Variants in ANKRD24 observed in about 807,000 individuals in gnomAD.
ANKRD24 encodes the protein ankyrin repeat domain-containing protein 24.
A neutral mutation model predicts 127.8 loss-of-function variants in ANKRD24; 109 were observed. That is an observed-to-expected ratio of 0.85 (90% CI 0.73 to 1.00). ANKRD24 has a LOEUF of 1.00. ANKRD24 is among the 50% of genes least tolerant of loss of function. The probability of loss-of-function intolerance (pLI) is 0.00; values close to 1 mark genes in which losing one functional copy is unlikely to be tolerated. For synonymous variants in ANKRD24, 743 were observed against 671.1 expected, an observed-to-expected ratio of 1.11 and a Z score of -1.66; for missense variants, 1,648 against 1,570.2, an observed-to-expected ratio of 1.05 and a Z score of -0.84.
At position 4,217,135 on chromosome 19, in the gene ANKRD24, G is replaced by T. The variant is rs921681978; in HGVS notation, c.1975G>T (p.Ala659Ser). ...AGAAATGCAGGCCTACGGAGTGGGT[G>T]CTGGGCAAGCAGAGCCCCCAGTCAC... is the stretch of plus-strand genomic sequence containing the variant. ...EAEMQAYGVG[A>S]GQAEPPVTGT... Residue 659 changes from alanine to serine, a missense_variant, in exon 18 of 22, where the codon GCT becomes TCT. Physicochemically the swap from Ala to Ser is moderately conservative, Grantham distance 99. Transcript: ENST00000318934. 5.0e-6 allele frequency: 8 copies of T among 1,613,688 alleles called. No individual in the cohort carries two copies. Among genetic ancestry groups the T allele is most frequent in the East Asian group, 2.2e-5 (1 of 44,880 alleles).
chr19:4,216,914 A>G lies in ANKRD24; in HGVS notation c.1754A>G (p.Glu585Gly). Reference sequence around the variant, plus strand: ...ATGGAAGCTGAGGCCACGGGAGCCGAGGCCACGGGAGCTGAGGCCACAGGA... The same window carrying G: ...ATGGAAGCTGAGGCCACGGGAGCCGGGGCCACGGGAGCTGAGGCCACAGGA... Reference protein sequence around the residue: ...RTMEAEATGAEATGAEATGAK... With the variant: ...RTMEAEATGAGATGAEATGAK... The change falls in exon 18 of 22, where the codon GAG becomes GGG. Residue 585 changes from glutamate (E) to glycine (G), a missense_variant. Physicochemically the swap from Glu to Gly is moderately conservative, Grantham distance 98. Transcript: ENST00000318934. 6.2e-7 allele frequency: 1 copy of G among 1,610,144 alleles called. No individual in the cohort carries two copies. The highest frequency in any genetic ancestry group is 8.5e-7 in the Non-Finnish European group (1 of 1,178,234).
At position 4,207,566 on chromosome 19, in the gene ANKRD24, G is replaced by A. The variant is rs777530052; in HGVS notation, c.603G>A (p.Leu201=). The A allele has an allele frequency of 4.3e-6, 7 of 1,613,778 alleles. No homozygotes were observed. Among genetic ancestry groups the A allele is most frequent in the South Asian group, 3.3e-5 (3 of 91,088 alleles). Residue 201 remains leucine (L), a synonymous_variant, in exon 9 of 22, where the codon CTG becomes CTA. Coordinates refer to ENST00000318934, the MANE Select transcript of ANKRD24 (RefSeq NM_001393985.1). ...MCHTDLCRLL[L]QQGAAANDQD... ...ACACAGACCTGTGCCGTCTCCTACT[G>A]CAGCAAGGGGCTGCCGCGAACGATC... is the stretch of plus-strand genomic sequence containing the variant.
chr19:4,197,938 C>T (rs893639935), intron 2 of ANKRD24, among the ~76,000 whole-genome samples: 1 of 151,884 alleles, frequency 6.6e-6, no homozygotes, highest in South Asian at 2.1e-4. Context: ...GGTGAGTGAA[C>T]GAATGAATGA....
chr19:4,206,078 G>C (rs1199441232), intron 7 of ANKRD24, among the ~76,000 whole-genome samples: 2 of 152,058 alleles, frequency 1.3e-5, no homozygotes, highest in South Asian at 2.1e-4. Context: ...GGAGGTGGAG[G>C]TTGCAGTGAG....
At position 4,216,855 on chromosome 19, in the gene ANKRD24, G is replaced by A. The variant is rs1049973838; in HGVS notation, c.1695G>A (p.Glu565=). The A allele has an allele frequency of 1.9e-6, 3 of 1,610,992 alleles. No homozygotes were observed. Among genetic ancestry groups the A allele is most frequent in the Non-Finnish European group, 2.5e-6 (3 of 1,178,774 alleles). ...ACGGAGCCGAGACCATAGATGAGGAGGCTGCAGGAGATGAAACCATGGAAG... is the reference window on the plus strand; with the variant it reads ...ACGGAGCCGAGACCATAGATGAGGAAGCTGCAGGAGATGAAACCATGGAAG... ...KVNGAETIDE[E]AAGDETMEAR... Residue 565 remains glutamate (E), a synonymous_variant, in exon 18 of 22, where the codon GAG becomes GAA. Coordinates refer to ENST00000318934, the MANE Select transcript of ANKRD24 (RefSeq NM_001393985.1).
rs1262732989 is a variant in ANKRD24, at chr19:4,217,111, GA to G, written c.1954del (p.Met652CysfsTer46). On this transcript the variant is annotated frameshift_variant, in exon 18 of 22. Transcript: ENST00000318934. LOFTEE classifies it high-confidence loss of function. ...CACAAAAACAAAAGCAGAGGAAGCAGAAATGCAGGCCTACGGAGTGGGTGCT... is the reference window on the plus strand; with the variant it reads ...CACAAAAACAAAAGCAGAGGAAGCAGAATGCAGGCCTACGGAGTGGGTGCT... ...EATKTKAEEA[E>X]MQAYGVGAGQ... is the part of the protein sequence containing the mutation. 2.9e-5 allele frequency: 47 copies of G among 1,613,750 alleles called. No individual in the cohort carries two copies. The highest frequency in any genetic ancestry group is 4.0e-5 in the Non-Finnish European group (47 of 1,179,882).
rs111391867 is a variant in ANKRD24 at position 4,210,060 on chromosome 19, C to T, written c.873C>T (p.Asn291=). Residue 291 remains asparagine, a splice_region_variant and synonymous_variant, in exon 12 of 22, where the codon AAC becomes AAT. Transcript: ENST00000318934. ...EDDSGEASSQ[N]SMSSHGKQGA... Reference sequence around the variant, plus strand: ...CTCTCTCTCCCCTCCCTTCCCAGAACTCTATGTCCAGCCATGGAAAGCAGG... The same window carrying T: ...CTCTCTCTCCCCTCCCTTCCCAGAATTCTATGTCCAGCCATGGAAAGCAGG... The T allele has an allele frequency of 8.0e-4, 1,290 of 1,610,182 alleles. 4 individuals carry two copies. Among genetic ancestry groups the T allele is most frequent in the Non-Finnish European group, 9.6e-4 (1,130 of 1,178,150 alleles).
Position 4,198,129 on chromosome 19 carries a change from G to T in ANKRD24, c.37-1554G>T. ...AGGAGGTGGAGATGGACGCCCGCGG[G>T]TCCCCTGGAGATGCAGCCGGCGGCC... is the stretch of plus-strand genomic sequence containing the variant. On this transcript the variant is annotated intron_variant, in intron 2 of 21. Transcript: ENST00000318934. This position sits in a 1 kb window ranked among gnomAD's most constrained non-coding sequence, Gnocchi z 6.1. The T allele has an allele frequency of 2.0e-6, 1 of 506,304 alleles. No homozygotes were observed. The highest frequency in any genetic ancestry group is 3.5e-6 in the Non-Finnish European group (1 of 287,848). 31.4% of individuals were successfully genotyped at this position (506,304 alleles called of 1,614,324 possible).
In ANKRD24 at chr19:4,222,627, G is replaced by C. The variant is rs1970501157; in HGVS notation, c.3172-43G>C. The C allele has an allele frequency of 2.6e-6, 4 of 1,545,390 alleles. No homozygotes were observed. The Admixed American group carries it at 5.5e-5, about 21-fold the overall frequency. On this transcript the variant is annotated intron_variant, in intron 19 of 21. Transcript: ENST00000318934. ...GCTGCAGAGAGGTCCTCAGCCCCCAGCTCTGGGCTTAGGGTGATCGCTGAC... is the reference window on the plus strand; with the variant it reads ...GCTGCAGAGAGGTCCTCAGCCCCCACCTCTGGGCTTAGGGTGATCGCTGAC...
rs1363738076 is a variant in ANKRD24 at position 4,217,767 on chromosome 19, G to A, written c.2607G>A (p.Thr869=). The part of the protein sequence containing the change: ...TARATGEQQR[T]AAAELGRARD... ...GGGCCACGGGGGAGCAGCAGCGCACGGCGGCCGCGGAACTGGGCCGGGCAC... is the reference window on the plus strand; with the variant it reads ...GGGCCACGGGGGAGCAGCAGCGCACAGCGGCCGCGGAACTGGGCCGGGCAC... Residue 869 remains threonine, a synonymous_variant, in exon 18 of 22, where the codon ACG becomes ACA. Transcript: ENST00000318934. The A allele has an allele frequency of 1.3e-4, 167 of 1,303,304 alleles. 1 individual carries two copies. The highest frequency in any genetic ancestry group is 1.5e-4 in the Non-Finnish European group (158 of 1,029,658). 80.7% of individuals were successfully genotyped at this position (1,303,304 alleles called of 1,614,324 possible).
intron 15 of ANKRD24, among the ~76,000 whole-genome samples, chr19:4,213,365 C>G (rs1969873365): frequency 6.8e-6 from 1 of 147,288 alleles, no homozygotes; most frequent in Non-Finnish European, 1.5e-5. Flanking sequence ...TCCTTCCCTT[C>G]TTTCTTCCTT....
At position 4,183,126 on chromosome 19, in the gene ANKRD24, C is replaced by T. The variant is rs186636683; in HGVS notation, c.-37+386C>T. On this transcript the variant is annotated intron_variant, in intron 1 of 21. Coordinates refer to ENST00000318934, the MANE Select transcript of ANKRD24 (RefSeq NM_001393985.1). Reference sequence around the variant, plus strand: ...CCCTAGTAGCTGGGATTACAGGCGCCCGCCACCACACCCAGCAAATTTTTG... The same window carrying T: ...CCCTAGTAGCTGGGATTACAGGCGCTCGCCACCACACCCAGCAAATTTTTG... Among the ~76,000 whole-genome samples the T allele has an allele frequency of 2.0e-4, 31 of 152,044 alleles. No individual in the cohort carries two copies. In the East Asian group the frequency reaches 6.0e-3, roughly 30 times the overall value.
intron 2 of ANKRD24, among the ~76,000 whole-genome samples, chr19:4,189,569 AGAGATG>A (rs1484854318): frequency 2.0e-5 from 3 of 150,698 alleles, no homozygotes. Context: ...TTTTTTTTTA[AGAGATG>A]GGGTCTCACT....
chr19:4,205,518 T>G (rs1317592242), intron 7 of ANKRD24, among the ~76,000 whole-genome samples: 1 of 152,112 alleles, frequency 6.6e-6, no homozygotes, highest in Non-Finnish European at 1.5e-5. Flanking sequence ...TCCACTCTGG[T>G]CCTGGGCAAA....
At position 4,199,602 on chromosome 19, in the gene ANKRD24, C is replaced by A; in HGVS notation, c.37-81C>A. The A allele has an allele frequency of 6.9e-7, 1 of 1,459,194 alleles. No individual in the cohort carries two copies. Among genetic ancestry groups the A allele is most frequent in the Non-Finnish European group, 9.0e-7 (1 of 1,111,278 alleles). The allele number at this position is 1,459,194 out of a possible 1,614,324, so 90.4% of individuals were successfully genotyped here. On this transcript the variant is annotated intron_variant, in intron 2 of 21. Coordinates refer to ENST00000318934, the MANE Select transcript of ANKRD24 (RefSeq NM_001393985.1). This position sits in a 1 kb window ranked among gnomAD's most constrained non-coding sequence, Gnocchi z 5.2. Reference sequence around the variant, plus strand: ...TTTGTTGGACAACTGGGGTGATGGGCCTGGGGGCAGATGCTGGGGGTCGCA... The same window carrying A: ...TTTGTTGGACAACTGGGGTGATGGGACTGGGGGCAGATGCTGGGGGTCGCA...
chr19:4,216,338 C>T lies in ANKRD24; in HGVS notation c.1325C>T (p.Ala442Val). Residue 442 changes from alanine to valine, a missense_variant, in exon 17 of 22, where the codon GCC becomes GTC. Transcript: ENST00000318934. ...QLSPSAQEHLASLQEQVAVLT... is the reference protein window; with the variant it reads ...QLSPSAQEHLVSLQEQVAVLT... ...AGTCCGTCGGCCCAGGAACACCTGG[C>T]CTCGCTGCAGGAACAGGTGGCTGTG... 1.3e-6 allele frequency: 2 copies of T among 1,570,564 alleles called. No individual in the cohort carries two copies. The highest frequency in any genetic ancestry group is 1.2e-5 in the South Asian group (1 of 85,226).
intron 1 of ANKRD24, chr19:4,183,298 C>A (rs1175967924): frequency 2.0e-6 from 2 of 986,092 alleles, no homozygotes; most frequent in African/African-American, 3.5e-5. Flanking sequence ...TGAGTATCAT[C>A]CAACTGGAGG....
At position 4,217,082 on chromosome 19, in the gene ANKRD24, A is replaced by C; in HGVS notation, c.1922A>C (p.Glu641Ala). 6.2e-7 allele frequency: 1 copy of C among 1,613,800 alleles called. No individual in the cohort carries two copies. Among genetic ancestry groups the C allele is most frequent in the South Asian group, 1.1e-5 (1 of 91,060 alleles). The stretch of plus-strand genomic sequence containing the variant: ...ACGGGAGTGGAGGCCATGGGGGTGG[A>C]GGCCACAAAAACAAAAGCAGAGGAA... The part of the protein sequence containing the change: ...ETTGVEAMGV[E>A]ATKTKAEEAE... Residue 641 changes from glutamate (E) to alanine (A), a missense_variant, in exon 18 of 22, where the codon GAG becomes GCG. Glu to Ala is a moderately radical substitution (Grantham distance 107, BLOSUM62 -1). Coordinates refer to ENST00000318934, the MANE Select transcript of ANKRD24 (RefSeq NM_001393985.1).
At chr19:4,224,270 G>A in intron 21 of ANKRD24, 78 bp downstream of exon 21, 1 of 1,465,588 alleles carries the variant, frequency 6.8e-7, no homozygotes, top group East Asian at 2.4e-5. Flanking sequence ...TTCCCCTTCT[G>A]TACAGTGGGA....
Sources: gnomAD v4.1 joint callset for allele counts (sites outside exome capture counted in the v4.1 genomes callset) on GRCh38, gnomAD v4.1.1 for gene constraint, Gnocchi (gnomAD v3.1) non-coding constraint, MANE v1.5 for transcripts, NCBI Gene and HGNC (gene_info 2026-07-23, HGNC 2026-07-21) for gene names.